KCNH7: variants seen among roughly 807,000 people sequenced by gnomAD.
KCNH7 encodes the protein potassium voltage-gated channel subfamily H member 7.
In KCNH7, 49 loss-of-function variants were observed where a neutral mutation model predicts 120.8. That is an observed-to-expected ratio of 0.41 (90% CI 0.32 to 0.51). KCNH7 has a LOEUF of 0.51. Among genes scored for constraint, KCNH7 ranks in the 20% least tolerant of loss-of-function variants. The pLI is 0.38. For synonymous variants in KCNH7, 547 were observed against 516.1 expected (o/e 1.06, Z -0.81); for missense variants, 1,097 against 1,446.6 (o/e 0.76, Z 3.92).
intron 9 of KCNH7, 94 bp downstream of exon 9, chr2:162,423,242 A>AGGGGTTCAAAGCT: frequency 6.2e-7 from 1 of 1,602,358 alleles, no homozygotes; most frequent in Non-Finnish European, 8.5e-7. Flanking sequence ...AACAAAAGCA[A>AGGGGTTCAAAGCT]GGGGTTCAAA....
chr2:162,480,731 G>A (rs1689904017), intron 6 of KCNH7, among the ~76,000 whole-genome samples: 1 of 152,140 alleles, frequency 6.6e-6, no homozygotes, highest in East Asian at 1.9e-4. Context: ...CATTGGGCCA[G>A]TTTATCAGAT....
intron 13 of KCNH7, 46 bp downstream of exon 13, chr2:162,384,642 T>A (rs776649093): frequency 6.4e-7 from 1 of 1,570,362 alleles, no homozygotes; most frequent in Non-Finnish European, 8.7e-7. Flanking sequence ...CACCATTTTG[T>A]GATTAGCACT....
chr2:162,390,884 C>A (rs1423311798), intron 12 of KCNH7, among the ~76,000 whole-genome samples: 1 of 151,978 alleles, frequency 6.6e-6, no homozygotes, highest in Non-Finnish European at 1.5e-5. Context: ...TTTTGTTTTT[C>A]AGCTTTCCAG....
intron 14 of KCNH7, among the ~76,000 whole-genome samples, chr2:162,377,111 A>G (rs1380712678): frequency 6.6e-6 from 1 of 152,188 alleles, no homozygotes; most frequent in Admixed American, 6.5e-5. Flanking sequence ...GTGTCCTGGG[A>G]TTCTCGCTCT....
At chr2:162,681,139 C>A (rs1685696263) in intron 2 of KCNH7, among the ~76,000 whole-genome samples, 1 of 143,854 alleles carries the variant, frequency 7.0e-6, no homozygotes, top group Admixed American at 6.9e-5. Flanking sequence ...TTTATTAAAA[C>A]AAGAGAGGCA....
At chr2:162,824,151 T>G (rs1380460022) in intron 2 of KCNH7, among the ~76,000 whole-genome samples, 1 of 152,188 alleles carries the variant, frequency 6.6e-6, no homozygotes, top group African/African-American at 2.4e-5. Context: ...GATGAAGTAT[T>G]CTTCAGAGAA....
At chr2:162,644,109 C>T (rs1212296979) in intron 2 of KCNH7, among the ~76,000 whole-genome samples, 1 of 151,828 alleles carries the variant, frequency 6.6e-6, no homozygotes, top group Non-Finnish European at 1.5e-5. Flanking sequence ...ATCAACTGTC[C>T]ATGGTAAAAG....
At chr2:162,418,606 G>A (rs2105480193) in intron 9 of KCNH7, among the ~76,000 whole-genome samples, 1 of 152,186 alleles carries the variant, frequency 6.6e-6, no homozygotes, top group East Asian at 1.9e-4. Context: ...ATAAAGGTCT[G>A]GCCCAGATGA....
chr2:162,827,964 T>C (rs781664704), intron 2 of KCNH7, among the ~76,000 whole-genome samples: 2 of 152,090 alleles, frequency 1.3e-5, no homozygotes, highest in African/African-American at 2.4e-5. Context: ...CTGGTGTCCA[T>C]TGCATACAAC....
At chr2:162,494,014 G>A (rs1220757131) in intron 6 of KCNH7, among the ~76,000 whole-genome samples, 2 of 152,066 alleles carry the variant, frequency 1.3e-5, no homozygotes, top group African/African-American at 4.8e-5. Flanking sequence ...TTTTCTTAAG[G>A]TATTGATCTG....
chr2:162,532,152 T>C lies in KCNH7; in HGVS notation c.463+4773A>G, dbSNP rs115879434. On this transcript the variant is annotated intron_variant, in intron 3 of 15. Coordinates refer to ENST00000332142, the MANE Select transcript of KCNH7 (RefSeq NM_033272.4). ...AACTAGAGAAAGACAACTTACAGACTTTTATTTACATGTAGATGGGGAATT... is the reference window on the plus strand; with the variant it reads ...AACTAGAGAAAGACAACTTACAGACCTTTATTTACATGTAGATGGGGAATT... 2.3e-3 allele frequency among the ~76,000 whole-genome samples: 354 copies of C among 151,998 alleles called. 1 individual carries two copies. The highest frequency in any genetic ancestry group is 8.1e-3 in the African/African-American group (337 of 41,524).
intron 2 of KCNH7, among the ~76,000 whole-genome samples, chr2:162,567,051 C>T (rs1693280320): frequency 6.6e-6 from 1 of 151,774 alleles, no homozygotes. Context: ...TCAACACATA[C>T]AAGAAAATAA....
At chr2:162,689,260 C>G (rs1686015275) in intron 2 of KCNH7, among the ~76,000 whole-genome samples, 1 of 152,054 alleles carries the variant, frequency 6.6e-6, no homozygotes, top group African/African-American at 2.4e-5. Flanking sequence ...AAGCAGTTCT[C>G]CTGTCTCAGC....
intron 9 of KCNH7, among the ~76,000 whole-genome samples, chr2:162,406,082 C>T (rs949806411): frequency 6.6e-5 from 10 of 151,926 alleles, no homozygotes; most frequent in African/African-American, 2.4e-4. Flanking sequence ...ATTACTCTTT[C>T]CTCAAATTAA....
rs1305503156 is a variant in KCNH7, at chr2:162,649,350, T to C, written c.308-112270A>G. Among the ~76,000 whole-genome samples the C allele has an allele frequency of 2.0e-5, 3 of 152,336 alleles. No individual in the cohort carries two copies. In the East Asian group the frequency reaches 5.8e-4, roughly 29 times the overall value. On this transcript the variant is annotated intron_variant, in intron 2 of 15. Transcript: ENST00000332142. ...GCTTAACTCTACACAAATGGTAAAT[T>C]GTTAGAGAATAAAAGTATGCCAAAC...
intron 2 of KCNH7, among the ~76,000 whole-genome samples, chr2:162,593,008 T>C (rs1694260425): frequency 6.6e-6 from 1 of 152,104 alleles, no homozygotes; most frequent in African/African-American, 2.4e-5. Context: ...ATCAATCATC[T>C]AAGTTATATT....
At chr2:162,780,108 G>T (rs1574379839) in intron 2 of KCNH7, among the ~76,000 whole-genome samples, 1 of 152,230 alleles carries the variant, frequency 6.6e-6, no homozygotes, top group East Asian at 1.9e-4. Flanking sequence ...AATTCTTCTT[G>T]TCTCTCTTCC....
rs181711311 is a variant in KCNH7 at position 162,534,800 on chromosome 2, A to T, written c.463+2125T>A. Among the ~76,000 whole-genome samples the T allele has an allele frequency of 3.6e-3, 546 of 151,796 alleles. 7 individuals carry two copies. Among genetic ancestry groups the T allele is most frequent in the African/African-American group, 0.013 (526 of 41,510 alleles). On this transcript the variant is annotated intron_variant, in intron 3 of 15. Coordinates refer to ENST00000332142, the MANE Select transcript of KCNH7 (RefSeq NM_033272.4). ...ACCAACACCTTAGAAAATTGCACAT[A>T]TGCAGGCAAAAATTATAGATCAATC...
intron 2 of KCNH7, among the ~76,000 whole-genome samples, chr2:162,592,105 G>A (rs945240928): frequency 6.6e-6 from 1 of 152,036 alleles, no homozygotes; most frequent in Non-Finnish European, 1.5e-5. Flanking sequence ...CAAAAATATA[G>A]GCAAAGAAAG....
Sources: allele counts gnomAD v4.1 joint callset (sites outside exome capture counted in the v4.1 genomes callset), GRCh38; gene constraint gnomAD v4.1.1; transcripts MANE v1.5; gene names NCBI Gene and HGNC (gene_info 2026-07-23, HGNC 2026-07-21).